Variants in FRAS1 observed in about 807,000 individuals in gnomAD.
The protein encoded by FRAS1 is extracellular matrix organizing protein FRAS1.
In FRAS1, 290 loss-of-function variants were observed where a neutral mutation model predicts 435.2. That is an observed-to-expected ratio of 0.67 (90% CI 0.61 to 0.73). The LOEUF is 0.73. Ranked by LOEUF, FRAS1 falls within the 30% of genes least tolerant of loss-of-function variation. The pLI is 0.00. For synonymous variants in FRAS1, 1,800 were observed against 1,851.0 expected (o/e 0.97, Z 0.71); for missense variants, 4,860 against 5,001.5 (o/e 0.97, Z 0.85).
At chr4:78,065,058 G>GTATATATATATATATATATA (rs34023994) in intron 1 of FRAS1, among the ~76,000 whole-genome samples, 7 of 119,898 alleles carry the variant, frequency 5.8e-5, no homozygotes, top group East Asian at 2.4e-4. Flanking sequence ...GTTTTATAGT[G>GTATATATATATATATATATA]TATATATATA....
chr4:78,286,300 G>T, intron 13 of FRAS1, 105 bp from the exon 14 acceptor site: 1 of 1,283,104 alleles, frequency 7.8e-7, no homozygotes. Context: ...TTCTGTTTGG[G>T]ACCTGGAGCC....
chr4:78,512,725 C>G (rs1721078923), intron 64 of FRAS1, among the ~76,000 whole-genome samples: 1 of 152,152 alleles, frequency 6.6e-6, no homozygotes. Flanking sequence ...TACAGATTTC[C>G]TGGTCCAAAG....
intron 14 of FRAS1, among the ~76,000 whole-genome samples, chr4:78,303,135 T>C: frequency 6.6e-6 from 1 of 152,214 alleles, no homozygotes; most frequent in East Asian, 1.9e-4. Context: ...CATTGCTTGT[T>C]TTTCTCAGGG....
intron 2 of FRAS1, among the ~76,000 whole-genome samples, chr4:78,154,675 T>C (rs1720808008): frequency 6.6e-6 from 1 of 152,194 alleles, no homozygotes; most frequent in Non-Finnish European, 1.5e-5. Flanking sequence ...ATTGTGATTA[T>C]TTTTAAAACC....
intron 4 of FRAS1, among the ~76,000 whole-genome samples, chr4:78,249,062 TGC>T (rs1333751337): frequency 0.014 from 457 of 32,670 alleles, 13 homozygotes; most frequent in African/African-American, 0.04. Flanking sequence ...TATATATATA[TGC>T]ATATATATAT....
At chr4:78,374,344 T>A (rs1731671848) in intron 25 of FRAS1, 93 bp downstream of exon 25, 1 of 1,287,914 alleles carries the variant, frequency 7.8e-7, no homozygotes, top group African/African-American at 1.5e-5. Flanking sequence ...ATACTTAAAT[T>A]AGAAAGCAGA....
chr4:78,276,688 A>T (rs1316712465), intron 9 of FRAS1, among the ~76,000 whole-genome samples: 1 of 152,176 alleles, frequency 6.6e-6, no homozygotes, highest in Non-Finnish European at 1.5e-5. Context: ...TTTGTCTCAG[A>T]GGGGCACCCG....
Position 78,537,220 on chromosome 4 carries a change from T to G in FRAS1, c.11298+20T>G, listed in dbSNP as rs748332526. ...CTGTTGGTATGCTAAGTTCTCACTATTAGTGTTAAAGAGCAGACACTTGAG... is the reference window on the plus strand; with the variant it reads ...CTGTTGGTATGCTAAGTTCTCACTAGTAGTGTTAAAGAGCAGACACTTGAG... On this transcript the variant is annotated intron_variant, in intron 72 of 73. Coordinates refer to ENST00000512123, the MANE Select transcript of FRAS1 (RefSeq NM_025074.7). 7.5e-6 allele frequency: 12 copies of G among 1,608,076 alleles called. No individual in the cohort carries two copies. Among genetic ancestry groups the G allele is most frequent in the Non-Finnish European group, 1.0e-5 (12 of 1,176,820 alleles).
At chr4:78,371,018 A>G (rs1731480381) in intron 23 of FRAS1, among the ~76,000 whole-genome samples, 1 of 151,966 alleles carries the variant, frequency 6.6e-6, no homozygotes, top group Admixed American at 6.5e-5. Context: ...TTCCATTCCA[A>G]GAAATTCTAC....
intron 5 of FRAS1, among the ~76,000 whole-genome samples, chr4:78,253,760 G>C (rs906043805): frequency 6.6e-6 from 1 of 152,140 alleles, no homozygotes; most frequent in South Asian, 2.1e-4. Context: ...CTGATTTACA[G>C]TTCTGCATTC....
chr4:78,422,477 G>A (rs1733825099), intron 34 of FRAS1, among the ~76,000 whole-genome samples: 1 of 152,166 alleles, frequency 6.6e-6, no homozygotes, highest in Non-Finnish European at 1.5e-5. Flanking sequence ...TGGCAGTGGA[G>A]GGATGGGTAG....
chr4:78,425,122 A>G (rs951675933), intron 35 of FRAS1, among the ~76,000 whole-genome samples: 1 of 150,900 alleles, frequency 6.6e-6, no homozygotes, highest in African/African-American at 2.4e-5. Context: ...AATAATAATA[A>G]TAATAATAAA....
Position 78,436,690 on chromosome 4 carries a change from A to T in FRAS1, c.5218-1880A>T, listed in dbSNP as rs1012793293. Among the ~76,000 whole-genome samples, 4 of 149,232 alleles carry T rather than the reference A, an allele frequency of 2.7e-5. No homozygotes were observed. In the East Asian group the frequency reaches 7.7e-4, roughly 29 times the overall value. ...GATCTTAGCAGTCTAATGTTGAGTT[A>T]AAAAAAAAATTGCAAAAGAGTAAAG... On this transcript the variant is annotated intron_variant, in intron 38 of 73. Transcript: ENST00000512123.
intron 3 of FRAS1, among the ~76,000 whole-genome samples, chr4:78,243,095 G>A (rs1460451518): frequency 2.6e-5 from 4 of 152,150 alleles, no homozygotes; most frequent in African/African-American, 9.7e-5. Context: ...ATTCAAAGGA[G>A]CACGGCATTA....
chr4:78,445,386 T>C, intron 41 of FRAS1, 136 bp from the exon 42 acceptor site: 1 of 1,181,346 alleles, frequency 8.5e-7, no homozygotes, highest in African/African-American at 1.5e-5. Flanking sequence ...GGTCTTGTGC[T>C]TATCCCACTC....
intron 24 of FRAS1, among the ~76,000 whole-genome samples, chr4:78,373,285 C>T (rs537684916): frequency 9.9e-5 from 15 of 151,998 alleles, no homozygotes; most frequent in African/African-American, 3.4e-4. Context: ...GGCCTAGTAT[C>T]CCTTTTAGCC....
chr4:78,245,450 CA>C (rs1431708081), intron 4 of FRAS1, 125 bp downstream of exon 4: 11 of 671,582 alleles, frequency 1.6e-5, no homozygotes, highest in Non-Finnish European at 2.6e-5. Context: ...ATCTGAAGCC[CA>C]TTTGACTTTC....
rs1553944558 is a variant in FRAS1 at position 78,321,838 on chromosome 4, C to CG, written c.2137+2852_2137+2853insG. On this transcript the variant is annotated intron_variant, in intron 18 of 73. Transcript: ENST00000512123. ...CAGCCTGGAGTTAACAAAACTTCGT[C>CG]AAAAAAAAAAAAAAAAAAGGTTAGA... Among the ~76,000 whole-genome samples the CG allele has an allele frequency of 6.5e-3, 688 of 106,286 alleles. 4 individuals are homozygous for CG. The highest frequency in any genetic ancestry group is 0.012 in the South Asian group (37 of 3,146). The allele number at this position is 106,286 out of a possible 152,430, so 69.7% of individuals were successfully genotyped here. A position where few individuals can be genotyped will look rare whatever the true frequency, so the allele number is the denominator to read the frequency against.
chr4:78,428,183 C>A (rs141371051), intron 35 of FRAS1, among the ~76,000 whole-genome samples: 173 of 152,270 alleles, frequency 1.1e-3, no homozygotes, highest in African/African-American at 4.0e-3. Flanking sequence ...TCAAAAAATC[C>A]AGGGAAATAA....
Sources: gnomAD v4.1 joint callset for allele counts (sites outside exome capture counted in the v4.1 genomes callset) on GRCh38, gnomAD v4.1.1 for gene constraint, MANE v1.5 for transcripts, NCBI Gene and HGNC (gene_info 2026-07-23, HGNC 2026-07-21) for gene names.